LEKR1: variants seen among roughly 807,000 people sequenced by gnomAD.
LEKR1 encodes the protein leucine, glutamate and lysine rich 1, also known as protein LEKR1.
A neutral mutation model predicts 72.4 loss-of-function variants in LEKR1; 59 were observed. The ratio of observed to expected loss-of-function variants is 0.82; its 90% CI spans 0.66 to 1.01. The LOEUF is 1.01. Among genes scored for constraint, LEKR1 ranks in the 50% least tolerant of loss-of-function variants. The pLI, the probability that LEKR1 is intolerant of heterozygous loss-of-function variation, is 0.00. For synonymous variants in LEKR1, 257 were observed against 263.2 expected (o/e 0.98, Z 0.23); for missense variants, 728 against 759.2 (o/e 0.96, Z 0.48).
At chr3:156,925,274 T>A (rs1724602395) in intron 4 of LEKR1, 1 of 151,442 alleles carries the variant, frequency 6.6e-6, no homozygotes, top group Non-Finnish European at 1.5e-5. Flanking sequence ...TCCTGTGACC[T>A]TGATGAATTT....
At chr3:157,007,600 T>C (rs931922515) in intron 9 of LEKR1, among the ~76,000 whole-genome samples, 2 of 152,184 alleles carry the variant, frequency 1.3e-5, no homozygotes, top group African/African-American at 2.4e-5. Flanking sequence ...AATTGATTTG[T>C]TCTGCCATTG....
intron 3 of LEKR1, among the ~76,000 whole-genome samples, chr3:156,903,653 A>G (rs1722248410): frequency 6.6e-6 from 1 of 152,174 alleles, no homozygotes; most frequent in South Asian, 2.1e-4. Flanking sequence ...TACTACCCTT[A>G]AGATTTTCCT....
chr3:156,830,537 A>G (rs987418759), intron 2 of LEKR1, among the ~76,000 whole-genome samples: 21 of 152,240 alleles, frequency 1.4e-4, no homozygotes, highest in Non-Finnish European at 2.8e-4. Flanking sequence ...AAGGAAATTT[A>G]TGATGTTGTA....
intron 2 of LEKR1, among the ~76,000 whole-genome samples, chr3:156,848,815 C>T (rs1714953061): frequency 6.6e-6 from 1 of 152,080 alleles, no homozygotes; most frequent in Non-Finnish European, 1.5e-5. Context: ...CTTAGAATTT[C>T]CTGGATACCA....
At chr3:156,965,359 C>T (rs570498448) in intron 6 of LEKR1, among the ~76,000 whole-genome samples, 1 of 152,172 alleles carries the variant, frequency 6.6e-6, no homozygotes, top group African/African-American at 2.4e-5. Context: ...AAAAACGCAG[C>T]AGAAACAGAA....
chr3:156,912,332 C>G (rs1039057865), intron 3 of LEKR1, among the ~76,000 whole-genome samples: 5 of 152,252 alleles, frequency 3.3e-5, no homozygotes, highest in Non-Finnish European at 7.4e-5. Context: ...TTTCTAGCCA[C>G]TGGGATAATA....
intron 10 of LEKR1, among the ~76,000 whole-genome samples, chr3:157,022,657 A>G (rs917021230): frequency 1.3e-5 from 2 of 152,146 alleles, no homozygotes; most frequent in Non-Finnish European, 2.9e-5. Context: ...TTTCTGGGCC[A>G]TACAATTCAT....
At chr3:156,901,674 T>G (rs1311481671) in intron 3 of LEKR1, among the ~76,000 whole-genome samples, 1 of 152,046 alleles carries the variant, frequency 6.6e-6, no homozygotes, top group African/African-American at 2.4e-5. Context: ...CAAATATTAA[T>G]GATCCATTTT....
At chr3:156,956,131 G>A (rs1045358498) in intron 6 of LEKR1, among the ~76,000 whole-genome samples, 6 of 151,808 alleles carry the variant, frequency 4.0e-5, no homozygotes, top group African/African-American at 1.4e-4. Context: ...GGCTGAGAAA[G>A]TGGTTAGGAA....
intron 2 of LEKR1, among the ~76,000 whole-genome samples, chr3:156,836,003 A>T (rs914968999): frequency 3.4e-5 from 5 of 148,536 alleles, no homozygotes; most frequent in African/African-American, 1.2e-4. Context: ...CCTTCTGAGT[A>T]GCTGGGATTA....
chr3:157,041,855 C>T (rs1042879896), intron 12 of LEKR1, among the ~76,000 whole-genome samples: 20 of 152,210 alleles, frequency 1.3e-4, no homozygotes, highest in African/African-American at 4.8e-4. Context: ...AACAATCCAA[C>T]CTTCATCTTG....
At chr3:156,908,215 T>C (rs1305704786) in intron 3 of LEKR1, among the ~76,000 whole-genome samples, 1 of 152,142 alleles carries the variant, frequency 6.6e-6, no homozygotes, top group East Asian at 1.9e-4. Flanking sequence ...ATTTTTCCCT[T>C]CGTAATTAAT....
intron 9 of LEKR1, among the ~76,000 whole-genome samples, chr3:156,994,397 T>C (rs1731381033): frequency 6.6e-6 from 1 of 152,146 alleles, no homozygotes; most frequent in Non-Finnish European, 1.5e-5. Context: ...AAGGCTTATC[T>C]CTCGTCCGTC....
In LEKR1 at chr3:157,028,127, A is replaced by G; in HGVS notation, c.1393A>G (p.Thr465Ala). ...GATATCTGACTTAATCACAGGCGCT[A>G]CAAGAGATCTAAGGCAGGAAGTGAC... The part of the protein sequence containing the change: ...MKISDLITGA[T>A]RDLRQEVTTL... Residue 465 changes from threonine to alanine, a missense_variant, in exon 12 of 13, where the codon ACA becomes GCA. By Grantham distance (58) the Thr-to-Ala change is moderately conservative (BLOSUM62 0). Transcript: ENST00000356539. 6.3e-7 allele frequency: 1 copy of G among 1,596,232 alleles called. No homozygotes were observed. The highest frequency in any genetic ancestry group is 1.7e-5 in the Admixed American group (1 of 57,452).
intron 7 of LEKR1, among the ~76,000 whole-genome samples, chr3:156,991,299 T>G (rs933844809): frequency 6.6e-6 from 1 of 152,016 alleles, no homozygotes; most frequent in Non-Finnish European, 1.5e-5. Flanking sequence ...AGTATTCTTC[T>G]TATAATAATT....
chr3:156,902,044 A>G (rs1172763151), intron 3 of LEKR1, among the ~76,000 whole-genome samples: 2 of 152,152 alleles, frequency 1.3e-5, no homozygotes, highest in Non-Finnish European at 2.9e-5. Context: ...AATTTTCTTG[A>G]ATGTTTTCAA....
Position 156,852,805 on chromosome 3 carries a change from T to C in LEKR1, c.86T>C (p.Val29Ala). 1.3e-6 allele frequency: 2 copies of C among 1,534,496 alleles called. No homozygotes were observed. Among genetic ancestry groups the C allele is most frequent in the African/African-American group, 1.4e-5 (1 of 72,964 alleles). The stretch of plus-strand genomic sequence containing the variant: ...GAAAAAGTTTGTAAGTACTGTGGAG[T>C]CAGCTATCTAATTCTTCATGAATTT... Reference protein sequence around the residue: ...PEEKVCKYCGVSYLILHEFKA... With the variant: ...PEEKVCKYCGASYLILHEFKA... The change falls in exon 3 of 13, where the codon GTC (valine) becomes GCC (alanine). Residue 29 changes from valine (V) to alanine (A), a missense_variant. Transcript: ENST00000356539.
chr3:157,020,254 T>TA (rs1208361567), intron 10 of LEKR1, among the ~76,000 whole-genome samples: 2 of 120,414 alleles, frequency 1.7e-5, no homozygotes, highest in Non-Finnish European at 3.4e-5. Flanking sequence ...GCTGATTTTC[T>TA]TTTATTATTA....
At chr3:156,911,788 A>G (rs1054347264) in intron 3 of LEKR1, among the ~76,000 whole-genome samples, 8 of 151,402 alleles carry the variant, frequency 5.3e-5, no homozygotes, top group African/African-American at 1.9e-4. Flanking sequence ...TTTTTTGTCG[A>G]CTTTGTCAAA....
Sources: gnomAD v4.1 joint callset for allele counts (sites outside exome capture counted in the v4.1 genomes callset) on GRCh38, gnomAD v4.1.1 for gene constraint, MANE v1.5 for transcripts, NCBI Gene and HGNC (gene_info 2026-07-23, HGNC 2026-07-21) for gene names.